PELI1: variants seen among roughly 807,000 people sequenced by gnomAD.
The protein encoded by PELI1 is pellino E3 ubiquitin protein ligase 1.
In PELI1, 15 loss-of-function variants were observed where a neutral mutation model predicts 41.3. The observed-to-expected ratio is 0.36, with a 90% CI of 0.24 to 0.56. The LOEUF (loss-of-function observed/expected upper bound fraction) is 0.56, where lower values mean the gene tolerates loss of function less well. Among genes scored for constraint, PELI1 ranks in the 20% least tolerant of loss-of-function variants. PELI1 has a pLI of 0.82. For synonymous variants in PELI1, 178 were observed against 180.1 expected (o/e 0.99, Z 0.09); for missense variants, 403 against 525.5 (o/e 0.77, Z 2.28).
At chr2:64,118,401 T>G (rs1243462322) in intron 1 of PELI1, among the ~76,000 whole-genome samples, 1 of 152,176 alleles carries the variant, frequency 6.6e-6, no homozygotes. Flanking sequence ...ATTAGAAAAC[T>G]GGATCCAAAA....
At chr2:64,107,078 A>G (rs1190451271) in intron 2 of PELI1, among the ~76,000 whole-genome samples, 2 of 152,072 alleles carry the variant, frequency 1.3e-5, no homozygotes, top group East Asian at 3.9e-4. Context: ...ACAGACATGC[A>G]CTATCATGCC....
chr2:64,141,898 A>G (rs1184523861), intron 1 of PELI1, among the ~76,000 whole-genome samples: 1 of 152,220 alleles, frequency 6.6e-6, no homozygotes, highest in Non-Finnish European at 1.5e-5. Flanking sequence ...AGACAGTGTT[A>G]GTAGCTTCCT....
intron 6 of PELI1, among the ~76,000 whole-genome samples, chr2:64,095,746 C>A (rs1487987276): frequency 1.3e-5 from 2 of 152,204 alleles, no homozygotes; most frequent in African/African-American, 4.8e-5. Flanking sequence ...CAGGTTCAAG[C>A]TATTCTCCTG....
chr2:64,113,116 A>C (rs1413782641), intron 1 of PELI1, among the ~76,000 whole-genome samples: 1 of 151,886 alleles, frequency 6.6e-6, no homozygotes, highest in Non-Finnish European at 1.5e-5. Flanking sequence ...CCGTCTCTAC[A>C]AAAGATTTAA....
rs1232160201 is a variant in PELI1, at chr2:64,144,380, C to A, written c.-369G>T. 1.3e-5 allele frequency: 2 copies of A among 152,324 alleles called. No individual in the cohort carries two copies. The highest frequency in any genetic ancestry group is 6.5e-5 in the Admixed American group (1 of 15,278). The allele number at this position is 152,324 out of a possible 1,614,324, so 9.4% of individuals were successfully genotyped here. Reference sequence around the variant, plus strand: ...CTGCTAGTGGAGGCGGCGGCGGCGCCCCCCGACGGTCCCTCCGCCTCACAC... The same window carrying A: ...CTGCTAGTGGAGGCGGCGGCGGCGCACCCCGACGGTCCCTCCGCCTCACAC... On this transcript the variant is annotated 5_prime_UTR_variant, in exon 1 of 7. Coordinates refer to ENST00000358912, the MANE Select transcript of PELI1 (RefSeq NM_020651.4).
intron 2 of PELI1, among the ~76,000 whole-genome samples, chr2:64,106,775 T>G (rs1247158499): frequency 6.6e-6 from 1 of 152,084 alleles, no homozygotes; most frequent in East Asian, 1.9e-4. Flanking sequence ...GCTCAGTAAC[T>G]CCATATGATT....
chr2:64,111,946 C>G (rs571208162), intron 1 of PELI1, among the ~76,000 whole-genome samples: 2 of 151,674 alleles, frequency 1.3e-5, no homozygotes, highest in Non-Finnish European at 2.9e-5. Flanking sequence ...ACATTTCTGA[C>G]GAAGAACAGC....
chr2:64,128,740 T>C (rs1238569040), intron 1 of PELI1, among the ~76,000 whole-genome samples: 1 of 152,200 alleles, frequency 6.6e-6, no homozygotes, highest in Non-Finnish European at 1.5e-5. Context: ...ATGAATTTCA[T>C]GCAGATTTAA....
intron 1 of PELI1, chr2:64,143,531 G>A (rs1016696432): frequency 3.9e-5 from 6 of 152,126 alleles, no homozygotes; most frequent in East Asian, 1.9e-4. Flanking sequence ...TGTTTCCTAG[G>A]GGACCCGGGG....
chr2:64,125,847 G>A (rs1017077229), intron 1 of PELI1, among the ~76,000 whole-genome samples: 1 of 152,206 alleles, frequency 6.6e-6, no homozygotes, highest in Non-Finnish European at 1.5e-5. Flanking sequence ...AATTCCACAT[G>A]TAAGTACTTA....
chr2:64,111,474 A>T (rs1038795013), intron 1 of PELI1, among the ~76,000 whole-genome samples: 1 of 152,220 alleles, frequency 6.6e-6, no homozygotes, highest in African/African-American at 2.4e-5. Context: ...TTTAAGAAAA[A>T]CATTTCCATC....
At chr2:64,103,811 T>C (rs778132234) in intron 3 of PELI1, among the ~76,000 whole-genome samples, 5 of 152,230 alleles carry the variant, frequency 3.3e-5, no homozygotes, top group African/African-American at 4.8e-5. Context: ...GGTATAATAT[T>C]AATGTACATC....
At chr2:64,125,044 A>G (rs1350705364) in intron 1 of PELI1, among the ~76,000 whole-genome samples, 4 of 148,120 alleles carry the variant, frequency 2.7e-5, no homozygotes, top group Non-Finnish European at 6.0e-5. Context: ...CAACCCAGGA[A>G]CAGCCAAATG....
At chr2:64,098,338 A>G (rs1372605537) in intron 4 of PELI1, among the ~76,000 whole-genome samples, 1 of 152,232 alleles carries the variant, frequency 6.6e-6, no homozygotes, top group Non-Finnish European at 1.5e-5. Context: ...TATTTCTGAT[A>G]ATAGTTAGAA....
rs780685996 is a variant in PELI1, at chr2:64,092,987, C to T, written c.*1715G>A. 3 of 152,546 alleles carry T rather than the reference C, an allele frequency of 2.0e-5. No individual in the cohort carries two copies. Among genetic ancestry groups the T allele is most frequent in the Non-Finnish European group, 4.4e-5 (3 of 68,028 alleles). The allele number at this position is 152,546 out of a possible 1,614,324, so 9.4% of individuals were successfully genotyped here. ...AGGACTTGCTTTCTTGCATTAGTCA[C>T]AAAGCATGTGACAATCTAGAAAACT... On this transcript the variant is annotated 3_prime_UTR_variant, in exon 7 of 7. Coordinates refer to ENST00000358912, the MANE Select transcript of PELI1 (RefSeq NM_020651.4).
intron 1 of PELI1, among the ~76,000 whole-genome samples, chr2:64,134,211 G>T (rs1283893689): frequency 6.6e-6 from 1 of 152,144 alleles, no homozygotes; most frequent in Non-Finnish European, 1.5e-5. Context: ...TGGTCCTTAA[G>T]AGCTGAACTA....
intron 1 of PELI1, among the ~76,000 whole-genome samples, chr2:64,112,321 G>A (rs949029126): frequency 2.6e-5 from 4 of 152,096 alleles, no homozygotes; most frequent in Non-Finnish European, 5.9e-5. Context: ...TGGAATAAAG[G>A]GAATTTGGGA....
chr2:64,138,126 A>G (rs1249893314), intron 1 of PELI1, among the ~76,000 whole-genome samples: 1 of 151,950 alleles, frequency 6.6e-6, no homozygotes, highest in Non-Finnish European at 1.5e-5. Context: ...TTTTTTAGAC[A>G]GGATCTGGTT....
At chr2:64,111,710 C>T (rs914952605) in intron 1 of PELI1, among the ~76,000 whole-genome samples, 3 of 152,088 alleles carry the variant, frequency 2.0e-5, no homozygotes, top group Non-Finnish European at 2.9e-5. Flanking sequence ...GTTTCAAGAA[C>T]AATTAAATCA....
Sources: allele counts gnomAD v4.1 joint callset (sites outside exome capture counted in the v4.1 genomes callset), GRCh38; gene constraint gnomAD v4.1.1; transcripts MANE v1.5; gene names NCBI Gene and HGNC (gene_info 2026-07-23, HGNC 2026-07-21).